DAB1: variants seen among roughly 807,000 people sequenced by gnomAD.
The protein encoded by DAB1 is DAB adaptor protein 1.
Under a neutral mutation model 64.6 loss-of-function variants are expected in DAB1, and 15 were observed. The observed-to-expected ratio is 0.23, with a 90% CI of 0.16 to 0.36. The LOEUF (loss-of-function observed/expected upper bound fraction) is 0.36. Among genes scored for constraint, DAB1 ranks in the 10% least tolerant of loss-of-function variants. The probability of loss-of-function intolerance (pLI) is 1.00; values close to 1 mark genes in which losing one functional copy is unlikely to be tolerated. For synonymous variants in DAB1, 235 were observed against 251.9 expected (o/e 0.93, Z 0.64); for missense variants, 596 against 706.7 (o/e 0.84, Z 1.78).
At chr1:57,634,421 C>A (rs1646027488) in intron 7 of DAB1, among the ~76,000 whole-genome samples, 2 of 152,150 alleles carry the variant, frequency 1.3e-5, no homozygotes, top group South Asian at 4.1e-4. Context: ...AATATATAAT[C>A]TTTTAGGATT....
chr1:57,033,155 AACATAC>A (rs1484698845), intron 9 of DAB1, among the ~76,000 whole-genome samples: 1 of 145,100 alleles, frequency 6.9e-6, no homozygotes, highest in African/African-American at 2.5e-5. Context: ...TCTCCTCTCC[AACATAC>A]ACTTTTGTTT....
intron 9 of DAB1, among the ~76,000 whole-genome samples, chr1:57,057,852 C>T (rs1352874102): frequency 6.6e-6 from 1 of 152,064 alleles, no homozygotes; most frequent in East Asian, 1.9e-4. Context: ...TCCTGATCCG[C>T]CCGCCTTGGC....
intron 1 of DAB1, among the ~76,000 whole-genome samples, chr1:57,863,693 A>G (rs549460516): frequency 3.3e-5 from 5 of 152,314 alleles, no homozygotes; most frequent in African/African-American, 9.6e-5. Flanking sequence ...ATGGAAATGT[A>G]TTAGAAACAA....
chr1:58,375,740 T>C (rs1444418455), intron 3 of DAB1, among the ~76,000 whole-genome samples: 2 of 142,860 alleles, frequency 1.4e-5, no homozygotes, highest in East Asian at 4.0e-4. Flanking sequence ...TTGATTGGAA[T>C]AGTTTCAGAA....
chr1:58,372,981 A>G (rs576683265), intron 3 of DAB1, among the ~76,000 whole-genome samples: 1 of 152,268 alleles, frequency 6.6e-6, no homozygotes, highest in African/African-American at 2.4e-5. Flanking sequence ...ATACACACAC[A>G]TGCACACAAG....
At chr1:57,424,203 C>A (rs1468788360), upstream of DAB1, 1 of 150,396 alleles carries the variant, frequency 6.6e-6, no homozygotes. Context: ...CCTGCTAGCT[C>A]CCCGGCCGCC....
chr1:58,454,553 G>A (rs1226785239), intron 3 of DAB1, among the ~76,000 whole-genome samples: 3 of 152,156 alleles, frequency 2.0e-5, no homozygotes, highest in African/African-American at 7.2e-5. Flanking sequence ...GCAGGGGCGT[G>A]TCTGTGAAGG....
intron 7 of DAB1, among the ~76,000 whole-genome samples, chr1:57,585,142 G>T (rs765431238): frequency 2.0e-5 from 3 of 150,570 alleles, no homozygotes; most frequent in Non-Finnish European, 4.4e-5. Flanking sequence ...CCAGCTACTC[G>T]GGAGGCTGAG....
intron 3 of DAB1, among the ~76,000 whole-genome samples, chr1:58,385,369 G>A (rs1644424613): frequency 6.6e-6 from 1 of 152,166 alleles, no homozygotes; most frequent in Non-Finnish European, 1.5e-5. Context: ...GCATGTGTAT[G>A]CTTCCTCACT....
chr1:58,431,843 G>A (rs957409559), intron 3 of DAB1, among the ~76,000 whole-genome samples: 25 of 152,078 alleles, frequency 1.6e-4, no homozygotes, highest in Non-Finnish European at 1.6e-4. Flanking sequence ...CCCCCTTGCT[G>A]GGGAGACAGA....
chr1:57,307,808 C>T (rs762869295), intron 1 of DAB1, among the ~76,000 whole-genome samples: 24 of 152,092 alleles, frequency 1.6e-4, no homozygotes, highest in Non-Finnish European at 3.1e-4. Flanking sequence ...TGAATATAGA[C>T]CATACTCTCT....
intron 5 of DAB1, among the ~76,000 whole-genome samples, chr1:57,993,323 T>C (rs1329314805): frequency 6.6e-6 from 1 of 152,128 alleles, no homozygotes; most frequent in African/African-American, 2.4e-5. Context: ...CTGCTGGCCA[T>C]GTCCTAGAGG....
chr1:57,146,853 T>C (rs1659187803), intron 2 of DAB1, among the ~76,000 whole-genome samples: 2 of 152,300 alleles, frequency 1.3e-5, no homozygotes, highest in South Asian at 4.1e-4. Context: ...TTGTTTGGAA[T>C]CATAGGTCCC....
At chr1:58,447,862 A>AAC (rs1557765370) in intron 3 of DAB1, among the ~76,000 whole-genome samples, 2,179 of 152,030 alleles carry the variant, frequency 0.014, 57 homozygotes, top group African/African-American at 0.05. Flanking sequence ...TTAAACAAAA[A>AAC]AAAAAAAAAA....
intron 2 of DAB1, among the ~76,000 whole-genome samples, chr1:57,224,140 C>A (rs1236724371): frequency 6.6e-6 from 1 of 152,166 alleles, no homozygotes; most frequent in Non-Finnish European, 1.5e-5. Context: ...TACTCACAGG[C>A]TTATTCTCAG....
chr1:57,686,486 G>A (rs1034596260), intron 6 of DAB1, among the ~76,000 whole-genome samples: 10 of 152,118 alleles, frequency 6.6e-5, no homozygotes, highest in Non-Finnish European at 1.2e-4. Context: ...AAGAACAACC[G>A]GTGCCAATCC....
intron 5 of DAB1, among the ~76,000 whole-genome samples, chr1:57,930,752 A>AT (rs1277855565): frequency 2.6e-5 from 4 of 152,176 alleles, no homozygotes; most frequent in African/African-American, 9.7e-5. Context: ...ATTCCAGAAG[A>AT]TTTTTTGTCA....
In DAB1 at chr1:58,274,359, C is replaced by A. The variant is rs1328861456; in HGVS notation, n.309+68993G>T. 1.4e-3 allele frequency among the ~76,000 whole-genome samples: 183 copies of A among 128,352 alleles called. 1 individual carries two copies. Among genetic ancestry groups the A allele is most frequent in the African/African-American group, 4.2e-3 (146 of 34,722 alleles). The allele number at this position is 128,352 out of a possible 152,430, so 84.2% of individuals were successfully genotyped here. On this transcript the variant is annotated intron_variant and non_coding_transcript_variant, in intron 4 of 20. Coordinates refer to the DAB1 transcript ENST00000485760. ...GGACCCACTTGAGGAGGCAGTCTGC[C>A]GGTTCTCAGATCTCCAGCTGCGTGC...
chr1:57,805,207 T>C (rs1460782714), intron 6 of DAB1, among the ~76,000 whole-genome samples: 2 of 152,188 alleles, frequency 1.3e-5, no homozygotes, highest in African/African-American at 4.8e-5. Flanking sequence ...TGGGCAAGGA[T>C]TAAGAAGCTA....
Sources: gnomAD v4.1 joint callset for allele counts (sites outside exome capture counted in the v4.1 genomes callset) on GRCh38, gnomAD v4.1.1 for gene constraint, MANE v1.5 for transcripts, NCBI Gene and HGNC (gene_info 2026-07-23, HGNC 2026-07-21) for gene names.